The following PRKCQ variants were observed in gnomAD, a reference collection of about 807,000 sequenced individuals.
PRKCQ encodes the protein protein kinase C theta type.
In PRKCQ, 41 loss-of-function variants were observed where a neutral mutation model predicts 91.2. The ratio of observed to expected loss-of-function variants is 0.45; its 90% confidence interval spans 0.35 to 0.58. The LOEUF is 0.58. Ranked by LOEUF, PRKCQ falls within the 20% of genes least tolerant of loss-of-function variation. The pLI is 0.00. For missense variants in PRKCQ, 673 were observed against 896.5 expected, an observed-to-expected ratio of 0.75 and a Z score of 3.18; for synonymous variants, 307 against 316.9, an observed-to-expected ratio of 0.97 and a Z score of 0.33.
Position 6,497,307 on chromosome 10 carries a change from C to A in PRKCQ, c.543-56G>T. 1 of 1,603,606 alleles carries A rather than the reference C, an allele frequency of 6.2e-7. No homozygotes were observed. The highest frequency in any genetic ancestry group is 2.2e-5 in the East Asian group (1 of 44,832). On this transcript the variant is annotated intron_variant, in intron 5 of 17. Coordinates refer to ENST00000263125, the MANE Select transcript of PRKCQ (RefSeq NM_006257.5). The surrounding 1 kb of genome is among the most constrained non-coding windows in gnomAD (Gnocchi z 4.5). The stretch of plus-strand genomic sequence containing the variant: ...ATGTTGGCATCAACATCAGCACCAA[C>A]AGCATTTAAGAGATGGATGAGATCT...
At chr10:6,435,253 G>C (rs1833643203) in intron 16 of PRKCQ, among the ~76,000 whole-genome samples, 1 of 152,244 alleles carries the variant, frequency 6.6e-6, no homozygotes, top group African/African-American at 2.4e-5. Flanking sequence ...CAACGGGTCT[G>C]GCACTGCTGC....
intron 15 of PRKCQ, among the ~76,000 whole-genome samples, chr10:6,449,598 C>T (rs1834532430): frequency 6.6e-6 from 1 of 151,976 alleles, no homozygotes; most frequent in Non-Finnish European, 1.5e-5. Context: ...CAAAGATACT[C>T]CTCGAGAAGA....
chr10:6,481,600 A>C (rs1836600251), intron 11 of PRKCQ, among the ~76,000 whole-genome samples: 1 of 152,220 alleles, frequency 6.6e-6, no homozygotes, highest in South Asian at 2.1e-4. Context: ...GCTGAAAGGC[A>C]AGGCATCAGT....
the PRKCQ span, among the ~76,000 whole-genome samples, chr10:6,410,199 TTTC>T: frequency 6.6e-6 from 1 of 152,262 alleles, no homozygotes; most frequent in Non-Finnish European, 1.5e-5. Flanking sequence ...TTCTCAGGCC[TTTC>T]TTATTTCCTG....
rs1296041626 is a variant in PRKCQ at position 6,491,887 on chromosome 10, C to T, written c.661-75G>A. 9 of 1,567,852 alleles carry T rather than the reference C, an allele frequency of 5.7e-6. No individual in the cohort carries two copies. In the Middle Eastern group the frequency reaches 6.7e-4, roughly 117 times the overall value. ...TTGGATGTTCTTGCAGATACCTTAG[C>T]ATAACTAACAGAGATCATAATGAAA... On this transcript the variant is annotated intron_variant, in intron 7 of 17. Coordinates refer to ENST00000263125, the MANE Select transcript of PRKCQ (RefSeq NM_006257.5).
At chr10:6,448,798 C>G (rs1290466094) in intron 15 of PRKCQ, among the ~76,000 whole-genome samples, 2 of 152,214 alleles carry the variant, frequency 1.3e-5, no homozygotes, top group South Asian at 2.1e-4. Flanking sequence ...TCTGCAGACA[C>G]CGCTGCTGAT....
intron 1 of PRKCQ, among the ~76,000 whole-genome samples, chr10:6,536,105 TGAG>T (rs1839573752): frequency 6.6e-6 from 1 of 152,082 alleles, no homozygotes; most frequent in African/African-American, 2.4e-5. Context: ...GTCCGTGGAA[TGAG>T]GAGGATGAGG....
intron 1 of PRKCQ, among the ~76,000 whole-genome samples, chr10:6,534,578 T>C (rs1474480875): frequency 6.6e-6 from 1 of 151,992 alleles, no homozygotes; most frequent in African/African-American, 2.4e-5. Context: ...TAAGAAAATA[T>C]ACTTACAAGA....
At chr10:6,401,362 A>G in the PRKCQ span, among the ~76,000 whole-genome samples, 1 of 152,160 alleles carries the variant, frequency 6.6e-6, no homozygotes, top group Non-Finnish European at 1.5e-5. Flanking sequence ...TAAACCCCAT[A>G]CTTCATCATA....
At chr10:6,489,103 AT>A (rs375710984) in intron 8 of PRKCQ, among the ~76,000 whole-genome samples, 195 of 148,722 alleles carry the variant, frequency 1.3e-3, no homozygotes, top group African/African-American at 3.4e-3. Context: ...TATAGAAAGG[AT>A]TTTTTTTTTT....
chr10:6,530,550 G>A (rs1385174603), intron 1 of PRKCQ, among the ~76,000 whole-genome samples: 1 of 152,238 alleles, frequency 6.6e-6, no homozygotes, highest in Non-Finnish European at 1.5e-5. Context: ...CAGTCACAGG[G>A]GGGGTTGTTG....
At chr10:6,442,599 A>G (rs1309932800) in intron 15 of PRKCQ, among the ~76,000 whole-genome samples, 1 of 152,218 alleles carries the variant, frequency 6.6e-6, no homozygotes, top group Non-Finnish European at 1.5e-5. Flanking sequence ...CAGGGGGCAC[A>G]ACTCTAATCA....
At chr10:6,537,489 A>G (rs1370418747) in intron 1 of PRKCQ, among the ~76,000 whole-genome samples, 1 of 152,062 alleles carries the variant, frequency 6.6e-6, no homozygotes, top group Non-Finnish European at 1.5e-5. Context: ...GGGAACGGGA[A>G]CTCAGGTGCC....
chr10:6,459,241 T>C (rs980030740), intron 14 of PRKCQ, among the ~76,000 whole-genome samples: 15 of 152,360 alleles, frequency 9.8e-5, no homozygotes, highest in African/African-American at 3.1e-4. Flanking sequence ...GCACTTTTAA[T>C]TGGAATAACA....
rs549529749 is a variant in PRKCQ, at chr10:6,485,265, C to A, written c.905G>T (p.Arg302Leu). The change falls in exon 10 of 18, where the codon CGC becomes CTC. Residue 302 changes from arginine (R) to leucine (L), a missense_variant. Transcript: ENST00000263125. ...GATCTGTTCAGTATCTCTTAAGCAG[C>A]GAGCCTGGATGACAAACAGAGAGTC... is the stretch of plus-strand genomic sequence containing the variant. ...LAMIESTQQA[R>L]CLRDTEQIFR... 1.2e-6 allele frequency: 2 copies of A among 1,612,980 alleles called. No homozygotes were observed. Among genetic ancestry groups the A allele is most frequent in the African/African-American group, 1.3e-5 (1 of 74,958 alleles).
At chr10:6,414,011 C>T in the PRKCQ span, among the ~76,000 whole-genome samples, 1 of 152,176 alleles carries the variant, frequency 6.6e-6, no homozygotes, top group African/African-American at 2.4e-5. Context: ...TCTCAGTGGT[C>T]CCTGAAAGAT....
the PRKCQ span, among the ~76,000 whole-genome samples, chr10:6,408,505 C>A: frequency 6.6e-6 from 1 of 152,152 alleles, no homozygotes; most frequent in Non-Finnish European, 1.5e-5. Flanking sequence ...CAGGCGCCTG[C>A]CACCACACCC....
chr10:6,437,137 C>T (rs1833735406), intron 16 of PRKCQ, among the ~76,000 whole-genome samples: 1 of 152,140 alleles, frequency 6.6e-6, no homozygotes, highest in Non-Finnish European at 1.5e-5. Flanking sequence ...TTTTGCTGGC[C>T]CAGGCTTTGC....
intron 1 of PRKCQ, among the ~76,000 whole-genome samples, chr10:6,549,625 T>C (rs1840101438): frequency 9.6e-5 from 4 of 41,834 alleles, no homozygotes; most frequent in Non-Finnish European, 2.1e-4. Context: ...AAAATTCATC[T>C]TTTTTTTTTT....
Sources: gnomAD v4.1 joint callset for allele counts (sites outside exome capture counted in the v4.1 genomes callset) on GRCh38, gnomAD v4.1.1 for gene constraint, Gnocchi (gnomAD v3.1) non-coding constraint, MANE v1.5 for transcripts, NCBI Gene and HGNC (gene_info 2026-07-23, HGNC 2026-07-21) for gene names.